CSMD1: variants seen among roughly 807,000 people sequenced by gnomAD.
The protein encoded by CSMD1 is CUB and Sushi multiple domains 1, also known as CUB and sushi domain-containing protein 1.
CSMD1 carries 213 observed loss-of-function variants against 417.5 expected under a neutral mutation model. The ratio of observed to expected loss-of-function variants is 0.51; its 90% confidence interval spans 0.46 to 0.57. CSMD1 has a LOEUF of 0.57. CSMD1 is among the 20% of genes least tolerant of loss of function. The probability of loss-of-function intolerance (pLI) is 0.00; values close to 1 mark genes in which losing one functional copy is unlikely to be tolerated. For synonymous variants in CSMD1, 2,862 were observed against 1,736.8 expected (o/e 1.65, Z -16.11); for missense variants, 6,923 against 4,529.7 (o/e 1.53, Z -15.17).
At position 4,450,879 on chromosome 8, in the gene CSMD1, C is replaced by G. The variant is rs577802617; in HGVS notation, c.303-30814G>C. On this transcript the variant is annotated intron_variant, in intron 2 of 69. Coordinates refer to ENST00000635120, the MANE Select transcript of CSMD1 (RefSeq NM_033225.6). ...GGAACAATTGTTAATATTCTTCCAA[C>G]CAGATTGCGCTAATATAAAAATTAA... Among the ~76,000 whole-genome samples the G allele has an allele frequency of 6.6e-5, 10 of 152,176 alleles. No homozygotes were observed. In the South Asian group the frequency reaches 1.0e-3, roughly 16 times the overall value.
At position 4,395,364 on chromosome 8, in the gene CSMD1, G is replaced by A. The variant is rs1043022617; in HGVS notation, c.415+24589C>T. 3.3e-5 allele frequency among the ~76,000 whole-genome samples: 5 copies of A among 152,194 alleles called. No homozygotes were observed. In the South Asian group the frequency reaches 1.0e-3, roughly 32 times the overall value. On this transcript the variant is annotated intron_variant, in intron 3 of 69. Coordinates refer to ENST00000635120, the MANE Select transcript of CSMD1 (RefSeq NM_033225.6). ...AGCATTGTTTGCATTAAGACTAGGG[G>A]AGTAGTCCCAATATCTGGTCCAGCT...
chr8:3,232,186 A>G (rs965563001), intron 26 of CSMD1, among the ~76,000 whole-genome samples: 20 of 152,166 alleles, frequency 1.3e-4, no homozygotes, highest in African/African-American at 4.6e-4. Context: ...TATGTTTATC[A>G]TTCCCTTGCT....
intron 3 of CSMD1, among the ~76,000 whole-genome samples, chr8:4,375,170 G>A (rs67623617): frequency 5.3e-5 from 8 of 152,118 alleles, no homozygotes; most frequent in Non-Finnish European, 1.0e-4. Flanking sequence ...GTAAAATAAC[G>A]AAAGCAAGAA....
intron 54 of CSMD1, among the ~76,000 whole-genome samples, chr8:2,984,585 G>C (rs985054599): frequency 6.6e-6 from 1 of 152,170 alleles, no homozygotes; most frequent in Non-Finnish European, 1.5e-5. Context: ...CTGACCTCGT[G>C]ATCCACCCAC....
intron 3 of CSMD1, among the ~76,000 whole-genome samples, chr8:4,145,264 T>C (rs1199440996): frequency 1.3e-5 from 2 of 151,112 alleles, no homozygotes; most frequent in South Asian, 2.1e-4. Flanking sequence ...TAACTGGAAC[T>C]TGTAGAGTTA....
intron 6 of CSMD1, among the ~76,000 whole-genome samples, chr8:3,711,945 A>C (rs575632786): frequency 6.6e-6 from 1 of 152,366 alleles, no homozygotes; most frequent in East Asian, 1.9e-4. Flanking sequence ...AAATTCGAGT[A>C]GTCTCTCAGG....
chr8:4,468,848 A>G (rs1037900578), intron 2 of CSMD1, among the ~76,000 whole-genome samples: 5 of 152,192 alleles, frequency 3.3e-5, no homozygotes, highest in Admixed American at 6.5e-5. Context: ...TTGAATTATC[A>G]ATTAAGCTAA....
At chr8:2,942,449 A>G (rs745443792) in intron 69 of CSMD1, 23 bp downstream of exon 69, 2 of 1,603,254 alleles carry the variant, frequency 1.2e-6, no homozygotes, top group East Asian at 2.2e-5. Flanking sequence ...AACATTCTCA[A>G]ACAGATGGTG....
intron 12 of CSMD1, among the ~76,000 whole-genome samples, chr8:3,457,335 C>T (rs940741218): frequency 6.6e-6 from 1 of 152,176 alleles, no homozygotes; most frequent in Admixed American, 6.5e-5. Flanking sequence ...AACCTTTTTG[C>T]CAAAGTCTGA....
chr8:4,568,329 G>A (rs962831291), intron 2 of CSMD1, among the ~76,000 whole-genome samples: 1 of 152,052 alleles, frequency 6.6e-6, no homozygotes, highest in Non-Finnish European at 1.5e-5. Context: ...CTGTGTCCCT[G>A]TGTTCTCATT....
At chr8:4,322,719 G>C (rs1476368054) in intron 3 of CSMD1, among the ~76,000 whole-genome samples, 2 of 152,234 alleles carry the variant, frequency 1.3e-5, no homozygotes, top group Non-Finnish European at 2.9e-5. Flanking sequence ...GTAGGGGCCA[G>C]GCACGGGGCT....
At chr8:3,255,804 C>G (rs962053022) in intron 26 of CSMD1, among the ~76,000 whole-genome samples, 2 of 152,322 alleles carry the variant, frequency 1.3e-5, no homozygotes, top group African/African-American at 2.4e-5. Context: ...TCCCTGACCT[C>G]TTGTGCTTCC....
intron 8 of CSMD1, among the ~76,000 whole-genome samples, chr8:3,599,125 C>CGGTG (rs1801232313): frequency 4.2e-5 from 6 of 144,506 alleles, no homozygotes; most frequent in Admixed American, 4.1e-4. Flanking sequence ...TTGCTTACTG[C>CGGTG]TGTGTGTGTG....
At chr8:4,022,842 G>A (rs1585150144) in intron 4 of CSMD1, among the ~76,000 whole-genome samples, 1 of 152,272 alleles carries the variant, frequency 6.6e-6, no homozygotes, top group East Asian at 1.9e-4. Context: ...GAAAGAAGAA[G>A]AGAGTTCATT....
intron 57 of CSMD1, among the ~76,000 whole-genome samples, chr8:2,972,754 A>C (rs995021756): frequency 6.6e-6 from 1 of 152,190 alleles, no homozygotes; most frequent in Non-Finnish European, 1.5e-5. Context: ...AGCCTGCGGA[A>C]ATTCCCATCA....
At chr8:4,292,419 A>C (rs1797422297) in intron 3 of CSMD1, among the ~76,000 whole-genome samples, 1 of 151,852 alleles carries the variant, frequency 6.6e-6, no homozygotes, top group Non-Finnish European at 1.5e-5. Context: ...CGCCCGGCTA[A>C]TTTTTTGTGT....
At chr8:4,419,190 T>C (rs1182399155) in intron 3 of CSMD1, among the ~76,000 whole-genome samples, 1 of 152,196 alleles carries the variant, frequency 6.6e-6, no homozygotes, top group East Asian at 1.9e-4. Flanking sequence ...GATTGCTTTT[T>C]AAATTTACAG....
chr8:3,050,071 T>C lies in CSMD1; in HGVS notation c.7660+2391A>G, dbSNP rs553644655. 1.6e-4 allele frequency among the ~76,000 whole-genome samples: 24 copies of C among 150,872 alleles called. 1 individual carries two copies. Among genetic ancestry groups the C allele is most frequent in the Admixed American group, 4.0e-4 (6 of 15,188 alleles). ...GGGTTTTCCTTTAAAACATGGCATA[T>C]ACTTGACATTTTATGCATAACACCT... On this transcript the variant is annotated intron_variant, in intron 50 of 69. Coordinates refer to ENST00000635120, the MANE Select transcript of CSMD1 (RefSeq NM_033225.6).
At chr8:4,709,182 G>C (rs933420231) in intron 1 of CSMD1, among the ~76,000 whole-genome samples, 1 of 152,196 alleles carries the variant, frequency 6.6e-6, no homozygotes, top group Non-Finnish European at 1.5e-5. Flanking sequence ...GCATAGCTCA[G>C]CTCACAATCG....
Sources: allele counts gnomAD v4.1 joint callset (sites outside exome capture counted in the v4.1 genomes callset), GRCh38; gene constraint gnomAD v4.1.1; transcripts MANE v1.5; gene names NCBI Gene and HGNC (gene_info 2026-07-23, HGNC 2026-07-21).